The following STK39 variants were observed in gnomAD, a reference collection of about 807,000 sequenced individuals.
The protein encoded by STK39 is serine/threonine kinase 39, also known as STE20/SPS1-related proline-alanine-rich protein kinase.
In STK39, 20 loss-of-function variants were observed where a neutral mutation model predicts 77.8. The observed-to-expected ratio is 0.26, with a 90% confidence interval of 0.18 to 0.37. STK39 has a LOEUF of 0.37. STK39 is among the 10% of genes least tolerant of loss of function. STK39 has a pLI of 1.00. For missense variants in STK39, 479 were observed against 656.5 expected (o/e 0.73, Z 2.95); for synonymous variants, 246 against 234.1 (o/e 1.05, Z -0.47).
At chr2:168,077,171 TA>T (rs1318034486) in intron 10 of STK39, among the ~76,000 whole-genome samples, 6 of 152,166 alleles carry the variant, frequency 3.9e-5, no homozygotes, top group Non-Finnish European at 8.8e-5. Context: ...CTGTCTTTAC[TA>T]AAATTGTAGA....
intron 5 of STK39, among the ~76,000 whole-genome samples, chr2:168,142,646 T>C (rs1248312149): frequency 6.6e-6 from 1 of 152,222 alleles, no homozygotes; most frequent in Non-Finnish European, 1.5e-5. Context: ...ATAGTAGCCA[T>C]TTATTATTGA....
chr2:168,181,086 G>A (rs959943850), intron 2 of STK39, among the ~76,000 whole-genome samples: 1 of 152,114 alleles, frequency 6.6e-6, no homozygotes, highest in South Asian at 2.1e-4. Flanking sequence ...TTCTTCATTT[G>A]CAGCCAACTG....
intron 14 of STK39, among the ~76,000 whole-genome samples, chr2:168,040,049 T>C (rs948340440): frequency 1.3e-5 from 2 of 152,096 alleles, no homozygotes; most frequent in African/African-American, 4.8e-5. Flanking sequence ...TGGGCTCTGG[T>C]CCTCAATCAT....
chr2:168,115,861 T>A lies in STK39; in HGVS notation c.1089+13680A>T, dbSNP rs369629121. Among the ~76,000 whole-genome samples, 84 of 152,182 alleles carry A rather than the reference T, an allele frequency of 5.5e-4. 1 individual carries two copies. The South Asian group carries it at 0.016, about 29-fold the overall frequency. On this transcript the variant is annotated intron_variant, in intron 10 of 17. Coordinates refer to ENST00000355999, the MANE Select transcript of STK39 (RefSeq NM_013233.3). Reference sequence around the variant, plus strand: ...ACAATAGAGAACTGAGGGTGGAGAATGCAAGACAAGGCTGAAGAGCGAAGA... The same window carrying A: ...ACAATAGAGAACTGAGGGTGGAGAAAGCAAGACAAGGCTGAAGAGCGAAGA...
Position 168,077,009 on chromosome 2 carries a change from C to A in STK39, c.1090-1778G>T, listed in dbSNP as rs545323766. 6.2e-4 allele frequency among the ~76,000 whole-genome samples: 95 copies of A among 152,198 alleles called. 1 individual carries two copies. In the South Asian group the frequency reaches 0.011, roughly 18 times the overall value. On this transcript the variant is annotated intron_variant, in intron 10 of 17. Transcript: ENST00000355999. Reference sequence around the variant, plus strand: ...ATATACAATAAAATTATTTTCTTAGCAACGCTGATCATGGTGGTAGCAACA... The same window carrying A: ...ATATACAATAAAATTATTTTCTTAGAAACGCTGATCATGGTGGTAGCAACA...
intron 14 of STK39, among the ~76,000 whole-genome samples, chr2:168,023,938 A>G (rs1011021221): frequency 6.6e-6 from 1 of 152,118 alleles, no homozygotes; most frequent in Non-Finnish European, 1.5e-5. Context: ...CTTCTTCCTT[A>G]CTTTTACCCG....
At chr2:167,971,691 A>C (rs1160413765) in intron 16 of STK39, among the ~76,000 whole-genome samples, 1 of 152,252 alleles carries the variant, frequency 6.6e-6, no homozygotes, top group Non-Finnish European at 1.5e-5. Flanking sequence ...ATGAAAAATT[A>C]AATCTGCTAA....
chr2:167,969,192 G>C (rs935201268), intron 16 of STK39, among the ~76,000 whole-genome samples: 1 of 152,184 alleles, frequency 6.6e-6, no homozygotes, highest in Non-Finnish European at 1.5e-5. Flanking sequence ...ATAGCAAGTG[G>C]TTAATAAATT....
chr2:168,235,934 T>C (rs987129467), intron 1 of STK39, among the ~76,000 whole-genome samples: 1 of 152,094 alleles, frequency 6.6e-6, no homozygotes, highest in African/African-American at 2.4e-5. Flanking sequence ...TGTGTCTTTA[T>C]AGCAGAATGA....
chr2:168,209,828 G>A (rs1689838999), intron 1 of STK39, among the ~76,000 whole-genome samples: 1 of 152,024 alleles, frequency 6.6e-6, no homozygotes, highest in Non-Finnish European at 1.5e-5. Context: ...GTGAAACCCA[G>A]TCTCTATTAA....
chr2:168,055,951 C>T (rs1030798647), intron 14 of STK39, among the ~76,000 whole-genome samples: 19 of 152,150 alleles, frequency 1.2e-4, no homozygotes, highest in Admixed American at 2.6e-4. Flanking sequence ...TTACCTTGTA[C>T]GGGCTTTATG....
chr2:168,148,965 T>A (rs1247072967), intron 5 of STK39, among the ~76,000 whole-genome samples: 1 of 152,198 alleles, frequency 6.6e-6, no homozygotes, highest in South Asian at 2.1e-4. Context: ...AGCTTTACCA[T>A]GAGGAGCTTA....
At chr2:168,008,784 C>T (rs1684196825) in intron 16 of STK39, among the ~76,000 whole-genome samples, 1 of 152,050 alleles carries the variant, frequency 6.6e-6, no homozygotes, top group African/African-American at 2.4e-5. Context: ...GATGGGAGAA[C>T]TAGGAGAGGG....
chr2:168,175,549 G>C (rs905639193), intron 2 of STK39, among the ~76,000 whole-genome samples: 57 of 152,092 alleles, frequency 3.7e-4, no homozygotes, highest in Admixed American at 3.2e-3. Flanking sequence ...TTTTAAATTT[G>C]ATGTTCCAAA....
chr2:168,090,911 C>A (rs1022024994), intron 10 of STK39, among the ~76,000 whole-genome samples: 1 of 151,996 alleles, frequency 6.6e-6, no homozygotes, highest in Non-Finnish European at 1.5e-5. Context: ...GAAGATACTG[C>A]GAGGAAAGGC....
intron 5 of STK39, among the ~76,000 whole-genome samples, chr2:168,151,585 A>G (rs1329821310): frequency 2.6e-5 from 4 of 151,864 alleles, no homozygotes; most frequent in African/African-American, 9.7e-5. Context: ...AAACACAAAA[A>G]ATTAGCCAGG....
At position 167,984,919 on chromosome 2, in the gene STK39, T is replaced by G. The variant is rs187278303; in HGVS notation, c.1499-20193A>C. 5.3e-5 allele frequency among the ~76,000 whole-genome samples: 8 copies of G among 152,236 alleles called. No individual in the cohort carries two copies. In the East Asian group the frequency reaches 1.5e-3, roughly 29 times the overall value. On this transcript the variant is annotated intron_variant, in intron 16 of 17. Coordinates refer to ENST00000355999, the MANE Select transcript of STK39 (RefSeq NM_013233.3). ...ATACAGCCAGTCTTCATGAACACCA[T>G]CCACATAAAATGATGTTCTCACATA... is the stretch of plus-strand genomic sequence containing the variant.
At chr2:168,206,745 C>T (rs929438391) in intron 1 of STK39, among the ~76,000 whole-genome samples, 20 of 152,300 alleles carry the variant, frequency 1.3e-4, no homozygotes, top group Non-Finnish European at 2.6e-4. Context: ...CAATATTCCA[C>T]TCACTTCTGG....
At chr2:168,073,093 C>T (rs1169275901) in intron 12 of STK39, among the ~76,000 whole-genome samples, 3 of 152,286 alleles carry the variant, frequency 2.0e-5, no homozygotes, top group Admixed American at 1.3e-4. Flanking sequence ...TTTCATATCC[C>T]ATTTAAGAAG....
Sources: allele counts gnomAD v4.1 joint callset (sites outside exome capture counted in the v4.1 genomes callset), GRCh38; gene constraint gnomAD v4.1.1; transcripts MANE v1.5; gene names NCBI Gene and HGNC (gene_info 2026-07-23, HGNC 2026-07-21).